COX7B2: variants seen among roughly 807,000 people sequenced by gnomAD.
The protein encoded by COX7B2 is cytochrome c oxidase subunit 7B2, mitochondrial.
For synonymous variants in COX7B2, 37 were observed against 32.1 expected (o/e 1.15, Z -0.51); for missense variants, 109 against 95.9 (o/e 1.14, Z -0.57).
At position 46,741,550 on chromosome 4, in the gene COX7B2, T is replaced by C. The variant is rs535154835; in HGVS notation, c.-49-6309A>G. ...CCATGAATGACACCATTCTATACAA[T>C]AGAGAAGGCAACTTAAAATCTAAGA... is the stretch of plus-strand genomic sequence containing the variant. On this transcript the variant is annotated intron_variant, in intron 2 of 2. Coordinates refer to ENST00000355591, the MANE Select transcript of COX7B2 (RefSeq NM_130902.3). Among the ~76,000 whole-genome samples the C allele has an allele frequency of 5.3e-5, 8 of 152,088 alleles. No homozygotes were observed. In the East Asian group the frequency reaches 9.7e-4, roughly 18 times the overall value.
At position 46,817,208 on chromosome 4, in the gene COX7B2, G is replaced by A. The variant is rs1485255476; in HGVS notation, c.-50+27752C>T. 3.3e-5 allele frequency among the ~76,000 whole-genome samples: 5 copies of A among 152,162 alleles called. No homozygotes were observed. In the East Asian group the frequency reaches 9.6e-4, roughly 29 times the overall value. On this transcript the variant is annotated intron_variant, in intron 2 of 2. Transcript: ENST00000355591. ...TTGAACTGTGTATGCATGGACAATA[G>A]GAAGAATTAGAAGGAAAGTAAAAGT... is the stretch of plus-strand genomic sequence containing the variant.
chr4:46,857,692 G>A (rs1717081519), intron 1 of COX7B2, among the ~76,000 whole-genome samples: 1 of 152,124 alleles, frequency 6.6e-6, no homozygotes, highest in Non-Finnish European at 1.5e-5. Context: ...TAAACAAAAG[G>A]CAAGTAGAAT....
At chr4:46,848,251 T>G (rs2109772042) in intron 1 of COX7B2, among the ~76,000 whole-genome samples, 1 of 152,234 alleles carries the variant, frequency 6.6e-6, no homozygotes, top group South Asian at 2.1e-4. Context: ...AGTCGGCTCA[T>G]TTTAATTACT....
intron 2 of COX7B2, among the ~76,000 whole-genome samples, chr4:46,809,985 C>T (rs1719202538): frequency 6.6e-6 from 1 of 151,964 alleles, no homozygotes; most frequent in Admixed American, 6.6e-5. Context: ...TCATGACATT[C>T]AGTCACAATC....
chr4:46,817,798 A>G (rs1430699710), intron 2 of COX7B2, among the ~76,000 whole-genome samples: 4 of 152,192 alleles, frequency 2.6e-5, no homozygotes, highest in African/African-American at 9.7e-5. Flanking sequence ...TAAGCATCTC[A>G]GTAGATTACA....
intron 2 of COX7B2, among the ~76,000 whole-genome samples, chr4:46,744,263 C>A (rs934982414): frequency 1.3e-5 from 2 of 151,978 alleles, no homozygotes; most frequent in Non-Finnish European, 2.9e-5. Flanking sequence ...AATGGGACAC[C>A]AGTCCCCTCA....
At chr4:46,752,967 G>C (rs2109438255) in intron 2 of COX7B2, among the ~76,000 whole-genome samples, 1 of 152,220 alleles carries the variant, frequency 6.6e-6, no homozygotes, top group East Asian at 1.9e-4. Context: ...TTTTTCTATT[G>C]ATTGGGATAG....
intron 2 of COX7B2, among the ~76,000 whole-genome samples, chr4:46,831,537 C>T (rs1560408642): frequency 6.6e-6 from 1 of 152,190 alleles, no homozygotes. Context: ...CTTGGAGAAC[C>T]TTTATGTCTA....
chr4:46,835,907 T>C (rs1715485214), intron 2 of COX7B2, among the ~76,000 whole-genome samples: 1 of 152,206 alleles, frequency 6.6e-6, no homozygotes, highest in Non-Finnish European at 1.5e-5. Context: ...GCAAGTTACT[T>C]TGCAGAATAC....
At chr4:46,761,658 T>C (rs1716153065) in intron 2 of COX7B2, among the ~76,000 whole-genome samples, 1 of 152,170 alleles carries the variant, frequency 6.6e-6, no homozygotes, top group Non-Finnish European at 1.5e-5. Flanking sequence ...CCTAAGCTGG[T>C]TGAAACTCAA....
intron 2 of COX7B2, among the ~76,000 whole-genome samples, chr4:46,777,851 A>T (rs988452038): frequency 6.6e-6 from 1 of 152,194 alleles, no homozygotes; most frequent in African/African-American, 2.4e-5. Flanking sequence ...AGATGGAGAT[A>T]ACACTGGTGC....
intron 2 of COX7B2, among the ~76,000 whole-genome samples, chr4:46,763,880 T>C (rs1716369262): frequency 6.6e-6 from 1 of 152,140 alleles, no homozygotes; most frequent in Non-Finnish European, 1.5e-5. Flanking sequence ...GATTCCCCAG[T>C]CCAGATTTTA....
intron 2 of COX7B2, among the ~76,000 whole-genome samples, chr4:46,807,282 T>C: frequency 6.6e-6 from 1 of 152,020 alleles, no homozygotes; most frequent in Non-Finnish European, 1.5e-5. Flanking sequence ...TTGAGCACTT[T>C]TCATACCTGT....
At chr4:46,856,623 C>T (rs1024976513) in intron 1 of COX7B2, among the ~76,000 whole-genome samples, 1 of 151,998 alleles carries the variant, frequency 6.6e-6, no homozygotes. Context: ...TGCCCCTGCC[C>T]CAACCCCAAA....
At chr4:46,784,603 C>T (rs1054255896) in intron 2 of COX7B2, among the ~76,000 whole-genome samples, 6 of 151,962 alleles carry the variant, frequency 3.9e-5, no homozygotes, top group East Asian at 1.9e-4. Flanking sequence ...CTAGTCTGGG[C>T]GACAGGGCAA....
intron 1 of COX7B2, among the ~76,000 whole-genome samples, chr4:46,874,058 A>G (rs1184938393): frequency 4.6e-5 from 7 of 152,152 alleles, no homozygotes; most frequent in East Asian, 3.8e-4. Flanking sequence ...AGAAAAATCT[A>G]TTGGCTTGCA....
chr4:46,875,977 T>C (rs557880109), intron 1 of COX7B2, among the ~76,000 whole-genome samples: 51 of 152,174 alleles, frequency 3.4e-4, no homozygotes, highest in Admixed American at 6.5e-4. Flanking sequence ...GTTTATATGC[T>C]GCTCTGCATT....
At chr4:46,864,982 T>C (rs1325279345) in intron 1 of COX7B2, among the ~76,000 whole-genome samples, 1 of 152,122 alleles carries the variant, frequency 6.6e-6, no homozygotes, top group Non-Finnish European at 1.5e-5. Context: ...TCAATAGCTT[T>C]GGGGATACAT....
intron 2 of COX7B2, among the ~76,000 whole-genome samples, chr4:46,767,271 T>C (rs2109501274): frequency 6.6e-6 from 1 of 152,302 alleles, no homozygotes; most frequent in East Asian, 1.9e-4. Flanking sequence ...ACAAACAATG[T>C]TACTATATAA....
Sources: gnomAD v4.1 joint callset for allele counts (sites outside exome capture counted in the v4.1 genomes callset) on GRCh38, gnomAD v4.1.1 for gene constraint, MANE v1.5 for transcripts, NCBI Gene and HGNC (gene_info 2026-07-23, HGNC 2026-07-21) for gene names.